SV2C: variants seen among roughly 807,000 people sequenced by gnomAD.
The protein encoded by SV2C is solute carrier family 22 member B3.
A neutral mutation model predicts 79.7 loss-of-function variants in SV2C; 49 were observed. That is an observed-to-expected ratio of 0.61 (90% CI 0.49 to 0.78). The LOEUF (loss-of-function observed/expected upper bound fraction) is 0.78, where lower values mean the gene tolerates loss of function less well. Ranked by LOEUF, SV2C falls within the 30% of genes least tolerant of loss-of-function variation. The probability of loss-of-function intolerance (pLI) is 0.00; values close to 1 mark genes in which losing one functional copy is unlikely to be tolerated. For synonymous variants in SV2C, 334 were observed against 333.2 expected, an observed-to-expected ratio of 1.00 and a Z score of -0.03; for missense variants, 833 against 912.9, an observed-to-expected ratio of 0.91 and a Z score of 1.13.
intron 2 of SV2C, among the ~76,000 whole-genome samples, chr5:76,159,194 G>T (rs901199595): frequency 6.6e-6 from 1 of 152,010 alleles, no homozygotes; most frequent in Non-Finnish European, 1.5e-5. Context: ...GAAAAGAGTG[G>T]ATACTTTTTC....
intron 1 of SV2C, among the ~76,000 whole-genome samples, chr5:76,129,633 C>G (rs1353922624): frequency 6.6e-6 from 1 of 152,152 alleles, no homozygotes; most frequent in African/African-American, 2.4e-5. Context: ...ACAAGGACCT[C>G]TTTAGGGATG....
chr5:76,102,058 C>A (rs556664408), intron 1 of SV2C, among the ~76,000 whole-genome samples: 1 of 152,092 alleles, frequency 6.6e-6, no homozygotes, highest in Admixed American at 6.5e-5. Flanking sequence ...CAGTTTTGTC[C>A]ATCTTCATAC....
intron 2 of SV2C, among the ~76,000 whole-genome samples, chr5:76,164,586 G>A (rs1742991654): frequency 2.0e-5 from 3 of 152,136 alleles, no homozygotes; most frequent in Non-Finnish European, 2.9e-5. Flanking sequence ...TGGTCTTTTG[G>A]TTTTCTTAAT....
At chr5:76,169,940 A>G (rs1465934900) in intron 2 of SV2C, among the ~76,000 whole-genome samples, 2 of 152,290 alleles carry the variant, frequency 1.3e-5, no homozygotes, top group East Asian at 1.9e-4. Context: ...GGTGGCAGCT[A>G]TTAGAAGTCA....
At chr5:75,884,707 C>A in the SV2C span, among the ~76,000 whole-genome samples, 3 of 151,962 alleles carry the variant, frequency 2.0e-5, no homozygotes, top group Admixed American at 1.3e-4. Context: ...ATTATAATTA[C>A]CCTGATTTGA....
At chr5:75,935,835 A>T in the SV2C span, among the ~76,000 whole-genome samples, 1 of 152,200 alleles carries the variant, frequency 6.6e-6, no homozygotes, top group Non-Finnish European at 1.5e-5. Flanking sequence ...TCATAGCTAC[A>T]GGTTTTCTAT....
At chr5:76,292,141 C>T (rs1747587045) in intron 8 of SV2C, among the ~76,000 whole-genome samples, 1 of 152,198 alleles carries the variant, frequency 6.6e-6, no homozygotes. Flanking sequence ...TGCCCAGCCC[C>T]AGCCATACCA....
At chr5:75,961,587 T>C in the SV2C span, among the ~76,000 whole-genome samples, 3 of 151,746 alleles carry the variant, frequency 2.0e-5, no homozygotes, top group Non-Finnish European at 4.4e-5. Flanking sequence ...ATCAGAATTT[T>C]AAATACAATT....
At chr5:76,002,547 G>A in the SV2C span, among the ~76,000 whole-genome samples, 2 of 152,138 alleles carry the variant, frequency 1.3e-5, no homozygotes, top group Admixed American at 6.5e-5. Context: ...TGTACTCTTC[G>A]AATGGGTAAA....
intron 4 of SV2C, among the ~76,000 whole-genome samples, chr5:76,261,761 GT>G (rs1228957058): frequency 6.6e-6 from 1 of 152,202 alleles, no homozygotes; most frequent in African/African-American, 2.4e-5. Flanking sequence ...ATTTGCATAT[GT>G]TGAACCAGCC....
At chr5:76,047,919 C>T in the SV2C span, among the ~76,000 whole-genome samples, 2 of 151,548 alleles carry the variant, frequency 1.3e-5, no homozygotes, top group African/African-American at 4.8e-5. Context: ...TACAGGCACC[C>T]GCCACCACTC....
At chr5:76,308,447 G>C (rs1259200744) in intron 12 of SV2C, among the ~76,000 whole-genome samples, 1 of 152,196 alleles carries the variant, frequency 6.6e-6, no homozygotes, top group African/African-American at 2.4e-5. Flanking sequence ...GTTTCACAAG[G>C]GTGGAAGTCT....
At chr5:76,202,015 CAAA>C (rs373279209) in intron 3 of SV2C, among the ~76,000 whole-genome samples, 1,329 of 82,096 alleles carry the variant, frequency 0.016, 16 homozygotes, top group African/African-American at 0.06. Context: ...GACTCCATCT[CAAA>C]AAAAAAAAAA....
chr5:75,959,706 C>T, the SV2C span, among the ~76,000 whole-genome samples: 7 of 152,026 alleles, frequency 4.6e-5, no homozygotes, highest in African/African-American at 1.7e-4. Context: ...CAGGCAACAT[C>T]ACTTCATTGT....
Position 76,329,399 on chromosome 5 carries a change from T to C in SV2C, c.*3852T>C, listed in dbSNP as rs544535121. 1 of 152,346 alleles carries C rather than the reference T, an allele frequency of 6.6e-6. No homozygotes were observed. The highest frequency in any genetic ancestry group is 2.4e-5 in the African/African-American group (1 of 41,594). 9.4% of individuals were successfully genotyped at this position (152,346 alleles called of 1,614,324 possible). ...TCTTGAAACATGGCCTTAAGTATTA[T>C]ACATAGGCTTCAGAAACAGTTTTTC... On this transcript the variant is annotated 3_prime_UTR_variant, in exon 13 of 13. Transcript: ENST00000502798.
chr5:76,245,998 T>C (rs949197293), intron 4 of SV2C, among the ~76,000 whole-genome samples: 5 of 151,642 alleles, frequency 3.3e-5, no homozygotes, highest in African/African-American at 7.3e-5. Flanking sequence ...AGGTTTTTTT[T>C]CCAGCATATA....
At chr5:76,280,819 T>C in intron 4 of SV2C, 1 of 385,440 alleles carries the variant, frequency 2.6e-6, no homozygotes, top group South Asian at 1.9e-5. Flanking sequence ...TCTCAGCTTT[T>C]GGAGCCAGCA....
intron 4 of SV2C, among the ~76,000 whole-genome samples, chr5:76,253,768 C>A: frequency 6.7e-6 from 1 of 149,400 alleles, no homozygotes; most frequent in Non-Finnish European, 1.5e-5. Context: ...TTTGTGAAAT[C>A]AATGTTTCTT....
At chr5:76,336,143 C>CGG (rs1266312014), downstream of SV2C, among the ~76,000 whole-genome samples, 1 of 132,814 alleles carries the variant, frequency 7.5e-6, no homozygotes, top group South Asian at 2.4e-4. Context: ...GCTGGCCTGG[C>CGG]GGGGGCTGAC....
Sources: gnomAD v4.1 joint callset for allele counts (sites outside exome capture counted in the v4.1 genomes callset) on GRCh38, gnomAD v4.1.1 for gene constraint, MANE v1.5 for transcripts, NCBI Gene and HGNC (gene_info 2026-07-23, HGNC 2026-07-21) for gene names.